Variants in SPATS2 observed in about 807,000 individuals in gnomAD.
SPATS2 encodes the protein spermatogenesis associated serine rich 2, also known as spermatogenesis-associated serine-rich protein 2.
In SPATS2, 38 loss-of-function variants were observed where a neutral mutation model predicts 63.7. The ratio of observed to expected loss-of-function variants is 0.60; its 90% confidence interval spans 0.46 to 0.78. The LOEUF is 0.78. SPATS2 is among the 30% of genes least tolerant of loss of function. The pLI is 0.00. For synonymous variants in SPATS2, 207 were observed against 232.9 expected (o/e 0.89, Z 1.01); for missense variants, 588 against 666.2 (o/e 0.88, Z 1.29).
intron 2 of SPATS2, among the ~76,000 whole-genome samples, chr12:49,382,481 G>A (rs1463704628): frequency 1.3e-5 from 2 of 152,110 alleles, no homozygotes; most frequent in African/African-American, 2.4e-5. Flanking sequence ...TTACTTCAGG[G>A]TAATTTATGA....
intron 3 of SPATS2, among the ~76,000 whole-genome samples, chr12:49,478,077 C>T (rs184576389): frequency 6.6e-6 from 1 of 150,884 alleles, no homozygotes; most frequent in East Asian, 2.0e-4. Flanking sequence ...TGGGCTCAAG[C>T]AATCCTCTTG....
At chr12:49,474,875 C>T (rs1336755289) in intron 3 of SPATS2, among the ~76,000 whole-genome samples, 1 of 152,198 alleles carries the variant, frequency 6.6e-6, no homozygotes, top group East Asian at 1.9e-4. Flanking sequence ...TTCCACGTGA[C>T]TGGGGAGGCC....
At chr12:49,520,104 C>G (rs778611276) in intron 11 of SPATS2, among the ~76,000 whole-genome samples, 2 of 152,138 alleles carry the variant, frequency 1.3e-5, no homozygotes, top group Admixed American at 1.3e-4. Flanking sequence ...CTCAGCCTCC[C>G]AAGTAGCTAG....
intron 1 of SPATS2, among the ~76,000 whole-genome samples, chr12:49,370,939 C>T (rs1943986397): frequency 6.6e-6 from 1 of 152,198 alleles, no homozygotes. Flanking sequence ...GTCCCCAACT[C>T]TTGGGCTCAA....
At chr12:49,376,607 G>C (rs986448406) in intron 2 of SPATS2, among the ~76,000 whole-genome samples, 2 of 151,750 alleles carry the variant, frequency 1.3e-5, no homozygotes, top group African/African-American at 2.4e-5. Flanking sequence ...ATGTTTCCTA[G>C]GCTGGTCTTG....
At chr12:49,404,812 C>T (rs1313950185) in intron 2 of SPATS2, among the ~76,000 whole-genome samples, 1 of 152,164 alleles carries the variant, frequency 6.6e-6, no homozygotes, top group Non-Finnish European at 1.5e-5. Flanking sequence ...ACGGACAGGT[C>T]AGATCTGGCC....
At position 49,411,207 on chromosome 12, in the gene SPATS2, T is replaced by C. The variant is rs139010591; in HGVS notation, c.-244+39917T>C. Reference sequence around the variant, plus strand: ...TTTAGTTTCCCATCTAATGTAGTAATAGAAAAGTTTATTGTTGTTAGCATA... The same window carrying C: ...TTTAGTTTCCCATCTAATGTAGTAACAGAAAAGTTTATTGTTGTTAGCATA... On this transcript the variant is annotated intron_variant, in intron 2 of 13. Coordinates refer to ENST00000552918, the MANE Select transcript of SPATS2 (RefSeq NM_023071.4). Among the ~76,000 whole-genome samples, 6 of 152,242 alleles carry C rather than the reference T, an allele frequency of 3.9e-5. No individual in the cohort carries two copies. The East Asian group carries it at 9.7e-4, about 24-fold the overall frequency.
intron 9 of SPATS2, among the ~76,000 whole-genome samples, chr12:49,507,041 T>C (rs1475046496): frequency 1.3e-5 from 2 of 152,192 alleles, no homozygotes; most frequent in East Asian, 3.8e-4. Flanking sequence ...GCTGAGCCTA[T>C]GAAAGTATTT....
intron 3 of SPATS2, among the ~76,000 whole-genome samples, chr12:49,471,776 A>AC (rs1384520018): frequency 1.3e-5 from 2 of 152,160 alleles, no homozygotes; most frequent in Non-Finnish European, 2.9e-5. Flanking sequence ...ACAGTAACTT[A>AC]CCATTCCCTC....
chr12:49,436,875 T>C (rs1945312041), intron 2 of SPATS2, among the ~76,000 whole-genome samples: 1 of 116,594 alleles, frequency 8.6e-6, no homozygotes, highest in African/African-American at 3.4e-5. Flanking sequence ...CCCCCCCACC[T>C]CCCTCCCGGA....
chr12:49,469,556 A>C (rs560058302), intron 3 of SPATS2: 7 of 431,812 alleles, frequency 1.6e-5, no homozygotes, highest in Admixed American at 8.1e-5. Context: ...AAAAAAAAAA[A>C]AAAAAAAAGA....
At chr12:49,459,536 C>T (rs572125985) in intron 2 of SPATS2, among the ~76,000 whole-genome samples, 1 of 151,624 alleles carries the variant, frequency 6.6e-6, no homozygotes, top group East Asian at 2.0e-4. Flanking sequence ...TTGGTAGAGA[C>T]GGGGTTTCTC....
chr12:49,469,389 CAAAAAA>C (rs779364300), intron 3 of SPATS2: 62 of 69,098 alleles, frequency 9.0e-4, no homozygotes, highest in Middle Eastern at 6.2e-3. Context: ...GACTCTGTCT[CAAAAAA>C]AAAAAAAAAA....
intron 2 of SPATS2, among the ~76,000 whole-genome samples, chr12:49,385,881 T>G (rs796331129): frequency 1.3e-4 from 19 of 140,756 alleles, no homozygotes; most frequent in African/African-American, 3.5e-4. Flanking sequence ...TTTGTTTTTT[T>G]TTTTTGAGAC....
intron 2 of SPATS2, among the ~76,000 whole-genome samples, chr12:49,406,877 A>G (rs1043081607): frequency 3.3e-5 from 5 of 152,210 alleles, no homozygotes; most frequent in Non-Finnish European, 5.9e-5. Context: ...GGAGAGAGCA[A>G]ACATATACTG....
At chr12:49,375,139 GGAGTGTGTGTGTGT>G in intron 2 of SPATS2, among the ~76,000 whole-genome samples, 1 of 104,950 alleles carries the variant, frequency 9.5e-6, no homozygotes, top group Non-Finnish European at 1.9e-5. Context: ...TGCAAGTTGT[GGAGTGTGTGTGTGT>G]GTGTGTGTGT....
chr12:49,512,325 CAG>C (rs971770869), intron 9 of SPATS2, among the ~76,000 whole-genome samples: 2 of 151,992 alleles, frequency 1.3e-5, no homozygotes, highest in African/African-American at 4.8e-5. Flanking sequence ...CAAAAAGAAA[CAG>C]AAGTTCTTAC....
rs149250039 is a variant in SPATS2, at chr12:49,465,759, C to T, written c.25+4722C>T. Among the ~76,000 whole-genome samples, 304 of 152,266 alleles carry T rather than the reference C, an allele frequency of 2.0e-3. 1 individual carries two copies. Among genetic ancestry groups the T allele is most frequent in the African/African-American group, 6.7e-3 (280 of 41,542 alleles). On this transcript the variant is annotated intron_variant, in intron 3 of 13. Coordinates refer to ENST00000552918, the MANE Select transcript of SPATS2 (RefSeq NM_023071.4). ...AGGAGTTCAAGACCAGCCTGGCCAACCTGGCGAAACCCTGTCTCTACTAAA... is the reference window on the plus strand; with the variant it reads ...AGGAGTTCAAGACCAGCCTGGCCAATCTGGCGAAACCCTGTCTCTACTAAA...
At chr12:49,382,287 A>T (rs1188874783) in intron 2 of SPATS2, among the ~76,000 whole-genome samples, 1 of 152,254 alleles carries the variant, frequency 6.6e-6, no homozygotes, top group Non-Finnish European at 1.5e-5. Flanking sequence ...AAATGCACTT[A>T]AAAATTTTTA....
Sources: gnomAD v4.1 joint callset for allele counts (sites outside exome capture counted in the v4.1 genomes callset) on GRCh38, gnomAD v4.1.1 for gene constraint, MANE v1.5 for transcripts, NCBI Gene and HGNC (gene_info 2026-07-23, HGNC 2026-07-21) for gene names.